SNAP47: variants seen among roughly 807,000 people sequenced by gnomAD.
SNAP47 encodes the protein synaptosome associated protein 47.
SNAP47 carries 20 observed loss-of-function variants against 31.4 expected under a neutral mutation model. The ratio of observed to expected loss-of-function variants is 0.64; its 90% CI spans 0.45 to 0.93. The LOEUF (loss-of-function observed/expected upper bound fraction) is 0.93, where lower values mean the gene tolerates loss of function less well. Ranked by LOEUF, SNAP47 falls within the 40% of genes least tolerant of loss-of-function variation. The pLI, the probability that SNAP47 is intolerant of heterozygous loss-of-function variation, is 0.00. For synonymous variants in SNAP47, 194 were observed against 213.4 expected, an observed-to-expected ratio of 0.91 and a Z score of 0.79; for missense variants, 492 against 528.5, an observed-to-expected ratio of 0.93 and a Z score of 0.68.
chr1:227,777,392 C>T (rs758391458), intron 4 of SNAP47, among the ~76,000 whole-genome samples: 34 of 152,148 alleles, frequency 2.2e-4, no homozygotes, highest in Non-Finnish European at 3.7e-4. Flanking sequence ...AGATAGTGAA[C>T]GGGAGTGTGG....
chr1:227,741,339 G>A lies in SNAP47; in HGVS notation c.-46+5840G>A, dbSNP rs1293496349. 6.6e-6 allele frequency among the ~76,000 whole-genome samples: 1 copy of A among 152,142 alleles called. No homozygotes were observed. The highest frequency in any genetic ancestry group is 1.5e-5 in the Non-Finnish European group (1 of 68,018). On this transcript the variant is annotated intron_variant, in intron 1 of 4. Transcript: ENST00000617596. This position sits in a 1 kb window ranked among gnomAD's most constrained non-coding sequence, Gnocchi z 4.2. The stretch of plus-strand genomic sequence containing the variant: ...CTATGGCCAAGGAGAGTGGACGCAG[G>A]CACTCATGGAAGTGGGGCTGGAGAC...
At chr1:227,760,876 C>T (rs1251324770) in intron 3 of SNAP47, among the ~76,000 whole-genome samples, 1 of 152,236 alleles carries the variant, frequency 6.6e-6, no homozygotes, top group Non-Finnish European at 1.5e-5. Flanking sequence ...TCTCTTCCTC[C>T]CTTACAGAAA....
intron 2 of SNAP47, among the ~76,000 whole-genome samples, chr1:227,751,133 G>T (rs569910503): frequency 1.3e-5 from 2 of 152,332 alleles, no homozygotes; most frequent in African/African-American, 4.8e-5. Context: ...GGCCCCTTTA[G>T]TGCTCCCTGA....
chr1:227,735,149 G>C, upstream of SNAP47: 2 of 1,581,998 alleles, frequency 1.3e-6, no homozygotes, highest in Non-Finnish European at 1.7e-6. Flanking sequence ...CACAAAGTCG[G>C]CGTAGGAGAA....
intron 1 of SNAP47, 95 bp downstream of exon 1, chr1:227,735,594 G>A (rs1661075514): frequency 1.5e-6 from 2 of 1,330,376 alleles, no homozygotes; most frequent in South Asian, 2.1e-5. Flanking sequence ...GACACAGCCC[G>A]AGCCCTCCTT....
chr1:227,741,414 G>A lies in SNAP47; in HGVS notation c.-46+5915G>A, dbSNP rs1167267324. On this transcript the variant is annotated intron_variant, in intron 1 of 4. Coordinates refer to ENST00000617596, the MANE Select transcript of SNAP47 (RefSeq NM_053052.4). The surrounding 1 kb of genome is among the most constrained non-coding windows in gnomAD (Gnocchi z 4.2). Reference sequence around the variant, plus strand: ...CCAGGGTGCAGTGACTCTCAGCAAGGCCCCTTGGCTCATGGGCCAGGTCCA... The same window carrying A: ...CCAGGGTGCAGTGACTCTCAGCAAGACCCCTTGGCTCATGGGCCAGGTCCA... 1.3e-5 allele frequency among the ~76,000 whole-genome samples: 2 copies of A among 152,144 alleles called. No homozygotes were observed. The highest frequency in any genetic ancestry group is 3.9e-4 in the East Asian group (2 of 5,192).
At chr1:227,754,334 G>C (rs1293557106) in intron 2 of SNAP47, among the ~76,000 whole-genome samples, 1 of 152,220 alleles carries the variant, frequency 6.6e-6, no homozygotes, top group African/African-American at 2.4e-5. Context: ...CTGCCTGCTA[G>C]GGTCTCAGGG....
chr1:227,745,979 C>G (rs949377175), intron 1 of SNAP47: 1 of 152,278 alleles, frequency 6.6e-6, no homozygotes, highest in African/African-American at 2.4e-5. Context: ...GTCTAGGCTT[C>G]CAGCGGGATT....
chr1:227,777,448 A>G (rs1664229784), intron 4 of SNAP47, among the ~76,000 whole-genome samples: 1 of 152,130 alleles, frequency 6.6e-6, no homozygotes, highest in Non-Finnish European at 1.5e-5. Context: ...GACGGGCTTC[A>G]TGCCTCCCTG....
upstream of SNAP47, chr1:227,734,904 G>C: frequency 2.6e-6 from 4 of 1,545,594 alleles, no homozygotes; most frequent in Non-Finnish European, 3.5e-6. Context: ...GGGGCCACGC[G>C]CCTGGCCTCC....
At chr1:227,732,967 G>A (rs149717541), upstream of SNAP47, 919 of 1,613,354 alleles carry the variant, frequency 5.7e-4, 2 homozygotes, top group Non-Finnish European at 7.0e-4. Context: ...TGCAAGAAGC[G>A]CCACATGTTG....
chr1:227,756,841 G>A (rs1355163253), intron 2 of SNAP47, among the ~76,000 whole-genome samples: 1 of 152,244 alleles, frequency 6.6e-6, no homozygotes, highest in African/African-American at 2.4e-5. Flanking sequence ...GTCCTGCCAT[G>A]CCCCACTGTT....
chr1:227,736,502 G>GTTTTTTTTTT lies in SNAP47; in HGVS notation c.-46+1029_-46+1038dup, dbSNP rs71180760. 3 of 44,370 alleles carry GTTTTTTTTTT rather than the reference G, an allele frequency of 6.8e-5. 1 individual carries two copies. Among genetic ancestry groups the GTTTTTTTTTT allele is most frequent in the African/African-American group, 2.6e-4 (3 of 11,402 alleles). The allele number at this position is 44,370 out of a possible 1,614,324, so 2.7% of individuals were successfully genotyped here. A position where few individuals can be genotyped will look rare whatever the true frequency, so the allele number is the denominator to read the frequency against. ...CTAAATGCATGGTAAGCCCAGAGCAGTTTTTTTTTTTTTTTTTTTTTTTTT... is the reference window on the plus strand; with the variant it reads ...CTAAATGCATGGTAAGCCCAGAGCAGTTTTTTTTTTTTTTTTTTTTTTTTTTTTTTTTTTT... On this transcript the variant is annotated intron_variant, in intron 1 of 4. Coordinates refer to ENST00000617596, the MANE Select transcript of SNAP47 (RefSeq NM_053052.4).
At chr1:227,755,265 G>A (rs1397636431) in intron 2 of SNAP47, among the ~76,000 whole-genome samples, 1 of 152,132 alleles carries the variant, frequency 6.6e-6, no homozygotes, top group Non-Finnish European at 1.5e-5. Context: ...GTGCAGTGGC[G>A]CGATCACAGC....
upstream of SNAP47, chr1:227,735,183 C>T (rs368383751): frequency 3.0e-4 from 476 of 1,580,548 alleles, 1 homozygote; most frequent in Non-Finnish European, 3.0e-5. Context: ...GAGACGAAGG[C>T]TACCCGGCCC....
chr1:227,734,059 C>T (rs200567702), upstream of SNAP47: 84 of 1,607,114 alleles, frequency 5.2e-5, 1 homozygote, highest in Middle Eastern at 5.1e-4. Flanking sequence ...AGGGCACCAC[C>T]GACAGCACGT....
At chr1:227,735,565 C>T (rs1661073282) in intron 1 of SNAP47, 66 bp downstream of exon 1, 2 of 1,347,168 alleles carry the variant, frequency 1.5e-6, no homozygotes, top group Non-Finnish European at 1.9e-6. Flanking sequence ...GCCCTCGGCT[C>T]AGTCCGCGCG....
rs934252002 is a variant in SNAP47 at position 227,748,145 on chromosome 1, G to T, written c.409G>T (p.Ala137Ser). ...ATCCCAGAAACGCCTGGAGGACACG[G>T]CGAGGGTCCTGCACCACCAGGGCCA... The part of the protein sequence containing the change: ...AGSQKRLEDT[A>S]RVLHHQGQQL... The change falls in exon 2 of 5, where the codon GCG (alanine) becomes TCG (serine). Residue 137 changes from alanine (A) to serine (S), a missense_variant. Coordinates refer to ENST00000617596, the MANE Select transcript of SNAP47 (RefSeq NM_053052.4). 4 of 1,613,760 alleles carry T rather than the reference G, an allele frequency of 2.5e-6. No homozygotes were observed. The African/African-American group carries it at 5.3e-5, about 22-fold the overall frequency.
intron 4 of SNAP47, among the ~76,000 whole-genome samples, chr1:227,768,568 T>C (rs1315996538): frequency 6.6e-6 from 1 of 152,242 alleles, no homozygotes; most frequent in Non-Finnish European, 1.5e-5. Context: ...TCATATTTGC[T>C]CTGGGGTAAT....
Sources: gnomAD v4.1 joint callset for allele counts (sites outside exome capture counted in the v4.1 genomes callset) on GRCh38, gnomAD v4.1.1 for gene constraint, Gnocchi (gnomAD v3.1) non-coding constraint, MANE v1.5 for transcripts, NCBI Gene and HGNC (gene_info 2026-07-23, HGNC 2026-07-21) for gene names.